The following LRMDA variants were observed in gnomAD, a reference collection of about 807,000 sequenced individuals.
The protein encoded by LRMDA is leucine-rich melanocyte differentiation-associated protein.
In LRMDA, 18 loss-of-function variants were observed where a neutral mutation model predicts 29.8. The observed-to-expected ratio is 0.60, with a 90% CI of 0.42 to 0.90. LRMDA has a LOEUF of 0.90. Ranked by LOEUF, LRMDA falls within the 40% of genes least tolerant of loss-of-function variation. The probability of loss-of-function intolerance (pLI) is 0.00; values close to 1 mark genes in which losing one functional copy is unlikely to be tolerated. For synonymous variants in LRMDA, 125 were observed against 109.4 expected (o/e 1.14, Z -0.89); for missense variants, 273 against 273.9 (o/e 1.00, Z 0.02).
intron 6 of LRMDA, among the ~76,000 whole-genome samples, chr10:76,414,436 C>T (rs957550665): frequency 6.6e-6 from 1 of 152,174 alleles, no homozygotes; most frequent in South Asian, 2.1e-4. Context: ...TTCCTTCCCT[C>T]TCTCAAATAT....
chr10:76,113,316 C>T (rs1849610773), intron 5 of LRMDA, among the ~76,000 whole-genome samples: 1 of 151,876 alleles, frequency 6.6e-6, no homozygotes. Context: ...GTGGCAGACG[C>T]AGTTGAGGGG....
At chr10:75,924,670 G>A (rs905583138) in intron 2 of LRMDA, among the ~76,000 whole-genome samples, 12 of 152,180 alleles carry the variant, frequency 7.9e-5, no homozygotes, top group South Asian at 2.1e-4. Context: ...AAAGGAATCC[G>A]CCTGTCAGCT....
chr10:75,780,684 A>G (rs758404186), intron 2 of LRMDA, among the ~76,000 whole-genome samples: 1 of 152,196 alleles, frequency 6.6e-6, no homozygotes, highest in Non-Finnish European at 1.5e-5. Flanking sequence ...AGAAGGCACA[A>G]GTACTAGGGC....
At chr10:76,538,034 G>A (rs1386701806) in intron 6 of LRMDA, among the ~76,000 whole-genome samples, 2 of 152,154 alleles carry the variant, frequency 1.3e-5, no homozygotes, top group Non-Finnish European at 2.9e-5. Context: ...CAGGCATGTA[G>A]TTGAAGTACT....
At chr10:76,247,697 C>A (rs1852400740) in intron 5 of LRMDA, among the ~76,000 whole-genome samples, 1 of 152,068 alleles carries the variant, frequency 6.6e-6, no homozygotes, top group South Asian at 2.1e-4. Context: ...GTTTCTCTAC[C>A]CACCTCTTGA....
intron 6 of LRMDA, among the ~76,000 whole-genome samples, chr10:76,442,110 T>A (rs1413906628): frequency 6.6e-6 from 1 of 152,194 alleles, no homozygotes; most frequent in Admixed American, 6.5e-5. Flanking sequence ...TTCTTAAAGA[T>A]TAGTGTAAGG....
intron 2 of LRMDA, among the ~76,000 whole-genome samples, chr10:75,670,017 C>G (rs980513242): frequency 6.6e-6 from 1 of 152,112 alleles, no homozygotes; most frequent in Non-Finnish European, 1.5e-5. Context: ...TATAGCAACT[C>G]TTTATTATAG....
At chr10:76,517,811 A>T (rs1329283376) in intron 6 of LRMDA, among the ~76,000 whole-genome samples, 2 of 151,914 alleles carry the variant, frequency 1.3e-5, no homozygotes, top group African/African-American at 4.8e-5. Context: ...ATGTTCAGGC[A>T]AAGGATTTAA....
chr10:76,169,454 C>T (rs552592316), intron 5 of LRMDA, among the ~76,000 whole-genome samples: 21 of 152,254 alleles, frequency 1.4e-4, no homozygotes, highest in South Asian at 4.2e-4. Context: ...CAGGAGCAGA[C>T]GGGATGTTGG....
intron 2 of LRMDA, among the ~76,000 whole-genome samples, chr10:75,909,705 C>T (rs867360347): frequency 3.9e-5 from 6 of 151,998 alleles, no homozygotes; most frequent in Middle Eastern, 3.4e-3. Flanking sequence ...TGTAAAACAG[C>T]GATAATAATA....
intron 6 of LRMDA, among the ~76,000 whole-genome samples, chr10:76,367,947 T>A (rs1841411118): frequency 6.6e-6 from 1 of 152,172 alleles, no homozygotes; most frequent in Non-Finnish European, 1.5e-5. Flanking sequence ...AGTTGTAATA[T>A]CTCCTTTTTC....
chr10:76,483,296 A>G (rs1842750073), intron 6 of LRMDA, among the ~76,000 whole-genome samples: 1 of 151,934 alleles, frequency 6.6e-6, no homozygotes, highest in South Asian at 2.1e-4. Context: ...ACAACATTTA[A>G]AAACTCATTT....
chr10:76,368,767 ATAAATTTGGG>A (rs1841421121), intron 6 of LRMDA, among the ~76,000 whole-genome samples: 2 of 152,114 alleles, frequency 1.3e-5, no homozygotes, highest in African/African-American at 2.4e-5. Context: ...TAATTGTTTT[ATAAATTTGGG>A]AGCTCCAGTG....
chr10:75,660,082 TCTTTACACACA>T (rs1383105034), intron 2 of LRMDA, among the ~76,000 whole-genome samples: 2 of 152,148 alleles, frequency 1.3e-5, no homozygotes. Flanking sequence ...TCTCTCTCTC[TCTTTACACACA>T]CACAGGCACA....
intron 2 of LRMDA, among the ~76,000 whole-genome samples, chr10:75,812,834 A>G (rs1843988141): frequency 6.6e-6 from 1 of 152,250 alleles, no homozygotes; most frequent in African/African-American, 2.4e-5. Context: ...GTACATCTTG[A>G]CCCTGCACCT....
At chr10:75,887,812 A>G (rs1225875029) in intron 2 of LRMDA, among the ~76,000 whole-genome samples, 1 of 152,176 alleles carries the variant, frequency 6.6e-6, no homozygotes, top group Admixed American at 6.5e-5. Flanking sequence ...GAGTTCTGAT[A>G]GGGAAGGAAG....
chr10:76,206,407 A>T, intron 5 of LRMDA, among the ~76,000 whole-genome samples: 1 of 152,160 alleles, frequency 6.6e-6, no homozygotes, highest in South Asian at 2.1e-4. Context: ...CCTTCTGTTT[A>T]CTTATGCCTC....
intron 2 of LRMDA, among the ~76,000 whole-genome samples, chr10:75,607,034 T>G (rs1257805248): frequency 6.6e-6 from 1 of 152,222 alleles, no homozygotes; most frequent in Admixed American, 6.5e-5. Context: ...CAAATGATAT[T>G]TTATGGAAAA....
intron 1 of LRMDA, among the ~76,000 whole-genome samples, chr10:75,432,433 T>C (rs891605591): frequency 2.0e-5 from 3 of 152,254 alleles, no homozygotes; most frequent in Admixed American, 2.0e-4. Flanking sequence ...ACACCCAGTC[T>C]CACATGCTTT....
Sources: gnomAD v4.1 joint callset for allele counts (sites outside exome capture counted in the v4.1 genomes callset) on GRCh38, gnomAD v4.1.1 for gene constraint, MANE v1.5 for transcripts, NCBI Gene and HGNC (gene_info 2026-07-23, HGNC 2026-07-21) for gene names.